PTPRN2: variants seen among roughly 807,000 people sequenced by gnomAD.
PTPRN2 encodes receptor-type tyrosine-protein phosphatase N2.
In PTPRN2, 74 loss-of-function variants were observed where a neutral mutation model predicts 118.8. The observed-to-expected ratio is 0.62, with a 90% CI of 0.52 to 0.76. The LOEUF is 0.76. Ranked by LOEUF, PTPRN2 falls within the 30% of genes least tolerant of loss-of-function variation. The pLI is 0.00. For missense variants in PTPRN2, 1,481 were observed against 1,394.4 expected (o/e 1.06, Z -0.99); for synonymous variants, 641 against 608.0 (o/e 1.05, Z -0.80).
At chr7:158,344,180 C>A (rs913502791) in intron 2 of PTPRN2, among the ~76,000 whole-genome samples, 1 of 152,174 alleles carries the variant, frequency 6.6e-6, no homozygotes, top group African/African-American at 2.4e-5. Context: ...GGGCCTCACC[C>A]AAGAGATACC....
intron 1 of PTPRN2, among the ~76,000 whole-genome samples, chr7:158,572,949 C>G (rs1828125955): frequency 6.6e-6 from 1 of 152,160 alleles, no homozygotes; most frequent in Non-Finnish European, 1.5e-5. Context: ...TTTATTCCAA[C>G]TAAATAAATA....
chr7:158,333,920 C>CACACTCATCACTCACACTG, intron 2 of PTPRN2, among the ~76,000 whole-genome samples: 2 of 142,070 alleles, frequency 1.4e-5, no homozygotes, highest in African/African-American at 2.7e-5. Context: ...CACTCACACC[C>CACACTCATCACTCACACTG]ACACTCTCAC....
At chr7:158,365,384 C>T (rs1021054848) in intron 2 of PTPRN2, among the ~76,000 whole-genome samples, 4 of 152,166 alleles carry the variant, frequency 2.6e-5, no homozygotes, top group Admixed American at 1.3e-4. Context: ...TCTTCCCTTC[C>T]TCACCCCTCC....
intron 12 of PTPRN2, among the ~76,000 whole-genome samples, chr7:157,696,073 T>A (rs1258858770): frequency 1.4e-5 from 2 of 139,236 alleles, no homozygotes; most frequent in African/African-American, 5.5e-5. Flanking sequence ...GCCCTCACCA[T>A]CTACCCATGC....
chr7:158,519,673 C>G (rs1479316973), intron 1 of PTPRN2, among the ~76,000 whole-genome samples: 2 of 152,136 alleles, frequency 1.3e-5, no homozygotes, highest in African/African-American at 4.8e-5. Context: ...ATACAACATC[C>G]CCAAGGGAGA....
chr7:158,241,905 C>T (rs148710141), intron 3 of PTPRN2, among the ~76,000 whole-genome samples: 1 of 152,324 alleles, frequency 6.6e-6, no homozygotes, highest in East Asian at 1.9e-4. Context: ...GACCACAGCT[C>T]TACCAAAGCT....
intron 6 of PTPRN2, among the ~76,000 whole-genome samples, chr7:158,146,937 C>A (rs1284651277): frequency 2.0e-5 from 3 of 150,094 alleles, no homozygotes; most frequent in Non-Finnish European, 3.0e-5. Flanking sequence ...TCTCACGCCA[C>A]GTGTCTTTCC....
chr7:158,240,255 AAGAG>A (rs10532382), intron 3 of PTPRN2, among the ~76,000 whole-genome samples: 1 of 151,392 alleles, frequency 6.6e-6, no homozygotes, highest in African/African-American at 2.4e-5. Flanking sequence ...TATACCAAAA[AAGAG>A]AGAGAGAGAG....
rs1824720664 is a variant in PTPRN2 at position 158,525,672 on chromosome 7, A to G, written c.113-35887T>C. 6.6e-6 allele frequency among the ~76,000 whole-genome samples: 1 copy of G among 152,208 alleles called. No homozygotes were observed. Among genetic ancestry groups the G allele is most frequent in the Non-Finnish European group, 1.5e-5 (1 of 68,034 alleles). On this transcript the variant is annotated intron_variant, in intron 1 of 22. Coordinates refer to ENST00000389418, the MANE Select transcript of PTPRN2 (RefSeq NM_002847.5). The surrounding 1 kb of genome is among the most constrained non-coding windows in gnomAD (Gnocchi z 4.1). Reference sequence around the variant, plus strand: ...TACGGGGATTTTTAAAGATCCTTTCATGCACAATGAGTATTTATCTAATGT... The same window carrying G: ...TACGGGGATTTTTAAAGATCCTTTCGTGCACAATGAGTATTTATCTAATGT...
At chr7:158,398,422 C>G (rs1020795350) in intron 2 of PTPRN2, among the ~76,000 whole-genome samples, 1 of 152,194 alleles carries the variant, frequency 6.6e-6, no homozygotes, top group Non-Finnish European at 1.5e-5. Flanking sequence ...AGGTGGGAAG[C>G]CAGGTGGGGC....
At position 157,801,411 on chromosome 7, in the gene PTPRN2, G is replaced by T. The variant is rs551393376; in HGVS notation, c.1788+97262C>A. On this transcript the variant is annotated intron_variant, in intron 12 of 22. Transcript: ENST00000389418. This position sits in a 1 kb window ranked among gnomAD's most constrained non-coding sequence, Gnocchi z 4.2. ...TATTCACGGAGAGGCTCTGCATCACGAGAGTGCTGCGTTAACCCAGGTGCG... is the reference window on the plus strand; with the variant it reads ...TATTCACGGAGAGGCTCTGCATCACTAGAGTGCTGCGTTAACCCAGGTGCG... 4.3e-4 allele frequency among the ~76,000 whole-genome samples: 66 copies of T among 152,008 alleles called. No individual in the cohort carries two copies. In the South Asian group the frequency reaches 0.013, roughly 30 times the overall value.
intron 11 of PTPRN2, among the ~76,000 whole-genome samples, chr7:158,001,239 T>C (rs564726986): frequency 2.8e-3 from 333 of 118,930 alleles, no homozygotes; most frequent in African/African-American, 0.01. Context: ...GATCTGGCCG[T>C]AGGTGGGGTA....
chr7:157,965,118 T>C (rs1050061212), intron 11 of PTPRN2, among the ~76,000 whole-genome samples: 26 of 152,056 alleles, frequency 1.7e-4, no homozygotes, highest in South Asian at 2.1e-4. Flanking sequence ...AAACAGGATA[T>C]GGAGGTAGAT....
At position 158,211,378 on chromosome 7, in the gene PTPRN2, A is replaced by G. The variant is rs532039104; in HGVS notation, c.278-6105T>C. On this transcript the variant is annotated intron_variant, in intron 3 of 22. Transcript: ENST00000389418. ...GACAGATGGGATCACATCAAGTGAA[A>G]AAACCTCTGCACAGCAAAGGAAACA... Among the ~76,000 whole-genome samples, 397 of 152,342 alleles carry G rather than the reference A, an allele frequency of 2.6e-3. 2 individuals carry two copies. The highest frequency in any genetic ancestry group is 9.3e-3 in the African/African-American group (386 of 41,588).
At chr7:158,260,211 G>A (rs909734325) in intron 3 of PTPRN2, among the ~76,000 whole-genome samples, 6 of 152,174 alleles carry the variant, frequency 3.9e-5, no homozygotes, top group South Asian at 4.1e-4. Flanking sequence ...CCTAAAACAC[G>A]ACAAAGCAAA....
At chr7:157,863,439 A>G (rs1011545291) in intron 12 of PTPRN2, 1 of 152,244 alleles carries the variant, frequency 6.6e-6, no homozygotes, top group Admixed American at 6.5e-5. Context: ...ATCCTGGCCC[A>G]TGCTACTAGC....
At position 157,768,885 on chromosome 7, in the gene PTPRN2, G is replaced by A. The variant is rs183658063; in HGVS notation, c.1789-85948C>T. Among the ~76,000 whole-genome samples, 623 of 152,232 alleles carry A rather than the reference G, an allele frequency of 4.1e-3. 1 individual carries two copies. Among genetic ancestry groups the A allele is most frequent in the Non-Finnish European group, 7.4e-3 (502 of 68,024 alleles). Reference sequence around the variant, plus strand: ...GGCTTTAAAGAACAAACATGCCCTCGGAAGAAGTTACTCGGCGAAGTCGAC... The same window carrying A: ...GGCTTTAAAGAACAAACATGCCCTCAGAAGAAGTTACTCGGCGAAGTCGAC... On this transcript the variant is annotated intron_variant, in intron 12 of 22. Transcript: ENST00000389418.
chr7:158,542,074 T>C (rs537564512), intron 1 of PTPRN2, among the ~76,000 whole-genome samples: 52 of 152,368 alleles, frequency 3.4e-4, no homozygotes, highest in Admixed American at 9.8e-4. Flanking sequence ...TGAGTTACAG[T>C]CTTTAACAAA....
chr7:158,262,806 ACACACATTCACACTG>A (rs1491319174), intron 3 of PTPRN2, among the ~76,000 whole-genome samples: 2,496 of 146,350 alleles, frequency 0.017, 73 homozygotes, highest in African/African-American at 0.059. Context: ...TTCACACACT[ACACACATTCACACTG>A]CACACATTCA....
Sources: gnomAD v4.1 joint callset for allele counts (sites outside exome capture counted in the v4.1 genomes callset) on GRCh38, gnomAD v4.1.1 for gene constraint, Gnocchi (gnomAD v3.1) non-coding constraint, MANE v1.5 for transcripts, NCBI Gene and HGNC (gene_info 2026-07-23, HGNC 2026-07-21) for gene names.